The following SEMA3E variants were observed in gnomAD, a reference collection of about 807,000 sequenced individuals.
SEMA3E encodes semaphorin-3E.
In SEMA3E, 49 loss-of-function variants were observed where a neutral mutation model predicts 93.6. That is an observed-to-expected ratio of 0.52 (90% CI 0.42 to 0.66). The LOEUF is 0.66. Ranked by LOEUF, SEMA3E falls within the 30% of genes least tolerant of loss-of-function variation. The pLI is 0.00. For missense variants in SEMA3E, 906 were observed against 964.8 expected, an observed-to-expected ratio of 0.94 and a Z score of 0.81; for synonymous variants, 363 against 330.7, an observed-to-expected ratio of 1.10 and a Z score of -1.06.
chr7:83,420,416 A>T (rs1317268064), intron 4 of SEMA3E, among the ~76,000 whole-genome samples: 1 of 152,164 alleles, frequency 6.6e-6, no homozygotes, highest in Non-Finnish European at 1.5e-5. Context: ...TCCCTATCAA[A>T]CTATCAACAT....
In SEMA3E at chr7:83,387,024, T is replaced by C. The variant is rs1787895456; in HGVS notation, c.1694A>G (p.His565Arg). 6.2e-7 allele frequency: 1 copy of C among 1,613,368 alleles called. No individual in the cohort carries two copies. Among genetic ancestry groups the C allele is most frequent in the Non-Finnish European group, 8.5e-7 (1 of 1,179,640 alleles). Residue 565 changes from histidine (H) to arginine (R), a missense_variant, in exon 15 of 17, where the codon CAT (histidine) becomes CGT (arginine). Physicochemically the swap from His to Arg is conservative, Grantham distance 29 (BLOSUM62 0). Transcript: ENST00000643230. ...AAAGCACTGCTGAGCTGCATTTCCA[T>C]GTCGAACATCTTGTCTCCGGAAACG... ...KRRFRRQDVRHGNAAQQCFGQ... is the reference protein window; with the variant it reads ...KRRFRRQDVRRGNAAQQCFGQ...
intron 4 of SEMA3E, among the ~76,000 whole-genome samples, chr7:83,464,011 A>G (rs142187105): frequency 0.022 from 3,290 of 151,956 alleles, 128 homozygotes; most frequent in African/African-American, 0.074. Context: ...CATTTCTTCC[A>G]TTCTGTCAGA....
At chr7:83,622,895 G>A (rs1228599338) in intron 1 of SEMA3E, among the ~76,000 whole-genome samples, 3 of 151,910 alleles carry the variant, frequency 2.0e-5, no homozygotes, top group East Asian at 1.9e-4. Context: ...TAATACTTAG[G>A]TGATGTGTTG....
intron 1 of SEMA3E, among the ~76,000 whole-genome samples, chr7:83,500,547 T>A (rs985055765): frequency 6.6e-6 from 1 of 151,470 alleles, no homozygotes; most frequent in Non-Finnish European, 1.5e-5. Flanking sequence ...AGCCCATATT[T>A]TATAGGTATG....
intron 1 of SEMA3E, among the ~76,000 whole-genome samples, chr7:83,528,918 G>GA (rs554542841): frequency 1.7e-3 from 266 of 152,136 alleles, no homozygotes; most frequent in Non-Finnish European, 2.7e-3. Context: ...TTAAATACGT[G>GA]AAAAATATGC....
At chr7:83,573,796 A>G (rs1353821857) in intron 1 of SEMA3E, among the ~76,000 whole-genome samples, 2 of 151,946 alleles carry the variant, frequency 1.3e-5, no homozygotes, top group African/African-American at 4.8e-5. Flanking sequence ...ACTGCTTATT[A>G]TATATCAGAT....
chr7:83,435,003 G>A lies in SEMA3E; in HGVS notation c.457-16520C>T, dbSNP rs1157557500. On this transcript the variant is annotated intron_variant, in intron 4 of 16. Transcript: ENST00000643230. ...GCTGGGATTACAGGCGTGAGCCACC[G>A]CGCCCGGCCAACTGTATTTCTTATG... 4.6e-5 allele frequency among the ~76,000 whole-genome samples: 7 copies of A among 152,064 alleles called. No homozygotes were observed. The East Asian group carries it at 5.9e-4, about 13-fold the overall frequency.
intron 1 of SEMA3E, among the ~76,000 whole-genome samples, chr7:83,532,167 CCT>C (rs938487613): frequency 2.6e-5 from 4 of 152,042 alleles, no homozygotes; most frequent in African/African-American, 9.7e-5. Flanking sequence ...CATTTCAACA[CCT>C]CTTTATTTTT....
chr7:83,571,299 T>A (rs1167354679), intron 1 of SEMA3E, among the ~76,000 whole-genome samples: 1 of 152,116 alleles, frequency 6.6e-6, no homozygotes, highest in Non-Finnish European at 1.5e-5. Flanking sequence ...ATATCCCTGA[T>A]GAGCATATAG....
intron 4 of SEMA3E, among the ~76,000 whole-genome samples, chr7:83,434,483 A>T (rs1306689289): frequency 6.6e-6 from 1 of 152,212 alleles, no homozygotes; most frequent in Non-Finnish European, 1.5e-5. Flanking sequence ...TTATCAATAC[A>T]TTAACACAGC....
chr7:83,532,884 T>A (rs895090713), intron 1 of SEMA3E, among the ~76,000 whole-genome samples: 5 of 152,102 alleles, frequency 3.3e-5, no homozygotes, highest in Non-Finnish European at 7.4e-5. Context: ...CGTGATGTGA[T>A]CTGTAATGTA....
intron 1 of SEMA3E, among the ~76,000 whole-genome samples, chr7:83,502,495 C>T (rs1394118655): frequency 6.6e-6 from 1 of 152,034 alleles, no homozygotes; most frequent in Non-Finnish European, 1.5e-5. Context: ...CTGTCTGCCA[C>T]CCACCTCCTT....
At chr7:83,623,676 A>G (rs983426586) in intron 1 of SEMA3E, among the ~76,000 whole-genome samples, 11 of 151,588 alleles carry the variant, frequency 7.3e-5, no homozygotes, top group African/African-American at 2.7e-4. Flanking sequence ...TTGCTACCAT[A>G]TTTTTAGAAC....
At chr7:83,377,262 AC>A (rs1006228296) in intron 16 of SEMA3E, among the ~76,000 whole-genome samples, 1 of 152,038 alleles carries the variant, frequency 6.6e-6, no homozygotes, top group Non-Finnish European at 1.5e-5. Context: ...GCACAAAAAG[AC>A]TTTTTCCCCC....
chr7:83,589,316 A>T (rs1016745751), intron 1 of SEMA3E, among the ~76,000 whole-genome samples: 2 of 151,966 alleles, frequency 1.3e-5, no homozygotes, highest in East Asian at 3.9e-4. Context: ...CCTACCTGAG[A>T]TTATTATTTA....
chr7:83,518,502 A>T (rs1313112194), intron 1 of SEMA3E, among the ~76,000 whole-genome samples: 1 of 152,150 alleles, frequency 6.6e-6, no homozygotes, highest in African/African-American at 2.4e-5. Flanking sequence ...TTCATATCTA[A>T]TCTCATCTTC....
intron 4 of SEMA3E, among the ~76,000 whole-genome samples, chr7:83,427,559 A>T (rs187261115): frequency 6.6e-6 from 1 of 152,160 alleles, no homozygotes; most frequent in Non-Finnish European, 1.5e-5. Context: ...CAGTTTTCAA[A>T]CCTTTATTTA....
intron 2 of SEMA3E, among the ~76,000 whole-genome samples, chr7:83,480,257 A>G (rs995944504): frequency 3.3e-5 from 5 of 152,136 alleles, no homozygotes; most frequent in African/African-American, 1.2e-4. Flanking sequence ...CCTGGCCAAC[A>G]TGGTGAAACT....
At chr7:83,646,851 A>G (rs1794085276) in intron 1 of SEMA3E, among the ~76,000 whole-genome samples, 1 of 152,116 alleles carries the variant, frequency 6.6e-6, no homozygotes, top group African/African-American at 2.4e-5. Flanking sequence ...TGAAAACACA[A>G]GTACCCCAAT....
Sources: gnomAD v4.1 joint callset for allele counts (sites outside exome capture counted in the v4.1 genomes callset) on GRCh38, gnomAD v4.1.1 for gene constraint, MANE v1.5 for transcripts, NCBI Gene and HGNC (gene_info 2026-07-23, HGNC 2026-07-21) for gene names.